The following PRDM10 variants were observed in gnomAD, a reference collection of about 807,000 sequenced individuals.
PRDM10 encodes PR/SET domain 10.
A neutral mutation model predicts 133.1 loss-of-function variants in PRDM10; 65 were observed. That is an observed-to-expected ratio of 0.49 (90% CI 0.40 to 0.60). PRDM10 has a LOEUF of 0.60. PRDM10 is among the 20% of genes least tolerant of loss of function. The pLI is 0.00. For missense variants in PRDM10, 1,137 were observed against 1,507.1 expected, an observed-to-expected ratio of 0.75 and a Z score of 4.07; for synonymous variants, 582 against 580.4, an observed-to-expected ratio of 1.00 and a Z score of -0.04.
At chr11:129,912,326 C>G (rs1057358183) in intron 17 of PRDM10, 101 bp from the exon 18 acceptor site, 1 of 1,264,772 alleles carries the variant, frequency 7.9e-7, no homozygotes, top group African/African-American at 1.5e-5. Flanking sequence ...ATATCCTGGC[C>G]GGGTGCAGTG....
In PRDM10 at chr11:129,932,362, A is replaced by T. The variant is rs528792053; in HGVS notation, c.1158-131T>A. ...CTTATTACTTTCCCAGATTTTCTCC[A>T]ATAGAAACAACTGTTTTACTAATAT... On this transcript the variant is annotated intron_variant, in intron 9 of 20. Transcript: ENST00000360871. 2.0e-5 allele frequency: 24 copies of T among 1,175,046 alleles called. No individual in the cohort carries two copies. In the South Asian group the frequency reaches 3.7e-4, roughly 18 times the overall value. 72.8% of individuals were successfully genotyped at this position (1,175,046 alleles called of 1,614,324 possible). A position where few individuals can be genotyped will look rare whatever the true frequency, so the allele number is the denominator to read the frequency against.
intron 1 of PRDM10, among the ~76,000 whole-genome samples, chr11:129,985,692 G>A (rs1938370892): frequency 6.8e-6 from 1 of 148,058 alleles, no homozygotes; most frequent in South Asian, 2.2e-4. Context: ...GCTGAGGTAG[G>A]AGGATCACTT....
intron 19 of PRDM10, among the ~76,000 whole-genome samples, chr11:129,909,191 T>C (rs931683743): frequency 6.6e-6 from 1 of 151,822 alleles, no homozygotes; most frequent in Non-Finnish European, 1.5e-5. Flanking sequence ...GGCTCATGCC[T>C]GTAATTCCAG....
rs917430810 is a variant in PRDM10 at position 130,000,436 on chromosome 11, A to G, written c.-119+2286T>C. On this transcript the variant is annotated intron_variant, in intron 1 of 20. Coordinates refer to ENST00000360871, the MANE Select transcript of PRDM10 (RefSeq NM_199437.2). ...GCAGAAACTTAGGTAGTGCCAATCA[A>G]TTTGGGATTATATTGAGTTGTGCTA... is the stretch of plus-strand genomic sequence containing the variant. Among the ~76,000 whole-genome samples the G allele has an allele frequency of 3.3e-5, 5 of 152,218 alleles. No individual in the cohort carries two copies. In the South Asian group the frequency reaches 1.0e-3, roughly 31 times the overall value.
intron 16 of PRDM10, 46 bp from the exon 17 acceptor site, chr11:129,915,064 A>T (rs1169058163): frequency 2.0e-6 from 3 of 1,529,648 alleles, no homozygotes. Flanking sequence ...AGAATTTGTG[A>T]TTTTCCGTTT....
At chr11:130,001,704 C>G (rs899971967) in intron 1 of PRDM10, among the ~76,000 whole-genome samples, 8 of 152,180 alleles carry the variant, frequency 5.3e-5, no homozygotes, top group African/African-American at 1.9e-4. Context: ...TTCCATTTTA[C>G]TTAGTAGAGT....
chr11:129,995,877 C>T (rs1434370337), intron 1 of PRDM10, among the ~76,000 whole-genome samples: 2 of 151,844 alleles, frequency 1.3e-5, no homozygotes, highest in African/African-American at 4.8e-5. Flanking sequence ...ACCCAGAAGA[C>T]GGAGGTTGCC....
chr11:129,984,142 A>T (rs1318073481), intron 1 of PRDM10, among the ~76,000 whole-genome samples: 1 of 151,994 alleles, frequency 6.6e-6, no homozygotes, highest in Non-Finnish European at 1.5e-5. Flanking sequence ...GGGAAAAGAG[A>T]GCCCCTCAGG....
intron 1 of PRDM10, among the ~76,000 whole-genome samples, chr11:129,994,866 G>T (rs1254119345): frequency 6.6e-6 from 1 of 152,018 alleles, no homozygotes; most frequent in African/African-American, 2.4e-5. Flanking sequence ...CGTTAGCCAG[G>T]ATTGTCTTGA....
Position 129,960,955 on chromosome 11 carries a change from T to C in PRDM10, c.10A>G (p.Lys4Glu). The change falls in exon 2 of 21, where the codon AAA (lysine) becomes GAA (glutamate). Residue 4 changes from lysine to glutamate, a missense_variant. Lys to Glu is a moderately conservative substitution (Grantham distance 56). Coordinates refer to ENST00000360871, the MANE Select transcript of PRDM10 (RefSeq NM_199437.2). MDSKDESSHVWPTS... is the reference protein window; with the variant it reads MDSEDESSHVWPTS... ...GGCCACACATGCGAGCTTTCATCTTTGGAATCCATCTTCTCCCAACTGGAC... is the reference window on the plus strand; with the variant it reads ...GGCCACACATGCGAGCTTTCATCTTCGGAATCCATCTTCTCCCAACTGGAC... 1 of 1,614,156 alleles carries C rather than the reference T, an allele frequency of 6.2e-7. No individual in the cohort carries two copies. Among genetic ancestry groups the C allele is most frequent in the East Asian group, 2.2e-5 (1 of 44,878 alleles).
chr11:129,903,460 C>T (rs781295455), intron 20 of PRDM10, among the ~76,000 whole-genome samples: 53 of 152,090 alleles, frequency 3.5e-4, no homozygotes, highest in Non-Finnish European at 6.2e-4. Flanking sequence ...ATCCCTTACA[C>T]TGAATACATT....
chr11:129,950,823 G>A (rs998591782), intron 4 of PRDM10, among the ~76,000 whole-genome samples: 11 of 152,148 alleles, frequency 7.2e-5, no homozygotes, highest in Non-Finnish European at 1.5e-4. Flanking sequence ...GTAAAACCGC[G>A]ATGTATTTTT....
intron 9 of PRDM10, among the ~76,000 whole-genome samples, chr11:129,932,460 G>T (rs1172997416): frequency 6.6e-6 from 1 of 152,164 alleles, no homozygotes; most frequent in Non-Finnish European, 1.5e-5. Flanking sequence ...CTGAAGAAAA[G>T]AGCTATAAAA....
At chr11:129,915,985 T>A (rs1950345039) in intron 15 of PRDM10, 125 bp from the exon 16 acceptor site, 1 of 826,486 alleles carries the variant, frequency 1.2e-6, no homozygotes, top group Non-Finnish European at 1.8e-6. Flanking sequence ...TAAAATATAT[T>A]AATATGTATA....
Position 129,915,017 on chromosome 11 carries a change from G to A in PRDM10, c.2528C>T (p.Thr843Ile), listed in dbSNP as rs1341866965. 6.3e-7 allele frequency: 1 copy of A among 1,578,188 alleles called. No individual in the cohort carries two copies. The change falls in exon 17 of 21, where the codon ACC (threonine) becomes ATC (isoleucine). Residue 843 changes from threonine (T) to isoleucine (I), a missense_variant and splice_region_variant. Transcript: ENST00000360871. ...PHCSKQYSSKTKMVQHIRKKH... is the reference protein window; with the variant it reads ...PHCSKQYSSKIKMVQHIRKKH... ...CTTTCGAATGTGCTGGACCATCTTG[G>A]TCTGAAAAAGCAAGGCAAAAAACAA...
chr11:129,913,088 C>T (rs1408893629), intron 17 of PRDM10, among the ~76,000 whole-genome samples: 4 of 150,844 alleles, frequency 2.7e-5, no homozygotes, highest in African/African-American at 9.8e-5. Flanking sequence ...GGCATGGTGG[C>T]ATGCCTGTAA....
chr11:129,926,641 T>TA (rs1316700985), intron 11 of PRDM10, among the ~76,000 whole-genome samples: 1 of 152,226 alleles, frequency 6.6e-6, no homozygotes, highest in Non-Finnish European at 1.5e-5. Context: ...AGGGCTTCTC[T>TA]AACCGGGCTA....
chr11:129,922,971 G>A (rs1424623514), intron 13 of PRDM10, among the ~76,000 whole-genome samples: 1 of 152,174 alleles, frequency 6.6e-6, no homozygotes. Flanking sequence ...TCTCAATAGC[G>A]ATTTAGTTAT....
chr11:130,000,891 G>T (rs1565521495), intron 1 of PRDM10, among the ~76,000 whole-genome samples: 1 of 152,284 alleles, frequency 6.6e-6, no homozygotes, highest in East Asian at 1.9e-4. Context: ...AGGATTGCTT[G>T]AGCTCAGCAG....
Sources: gnomAD v4.1 joint callset for allele counts (sites outside exome capture counted in the v4.1 genomes callset) on GRCh38, gnomAD v4.1.1 for gene constraint, MANE v1.5 for transcripts, NCBI Gene and HGNC (gene_info 2026-07-23, HGNC 2026-07-21) for gene names.